The following PPM1A variants were observed in gnomAD, a reference collection of about 807,000 sequenced individuals.
The protein encoded by PPM1A is protein phosphatase 1A.
In PPM1A, 7 loss-of-function variants were observed where a neutral mutation model predicts 35.0. That is an observed-to-expected ratio of 0.20 (90% CI 0.11 to 0.38). The LOEUF is 0.38. Among genes scored for constraint, PPM1A ranks in the 10% least tolerant of loss-of-function variants. PPM1A has a pLI of 1.00. For missense variants in PPM1A, 239 were observed against 467.8 expected (o/e 0.51, Z 4.51); for synonymous variants, 153 against 167.3 (o/e 0.91, Z 0.66).
intron 3 of PPM1A, chr14:60,288,341 T>C: frequency 1.0e-6 from 1 of 971,448 alleles, no homozygotes; most frequent in Non-Finnish European, 1.2e-6. Context: ...TCATCAGTGT[T>C]TATTTCTATT....
chr14:60,287,831 A>T, intron 3 of PPM1A: 1 of 984,112 alleles, frequency 1.0e-6, no homozygotes, highest in Non-Finnish European at 1.2e-6. Context: ...ATATTTTCAA[A>T]ATCTTTGCTA....
upstream of PPM1A, chr14:60,249,178 G>A (rs1456189750): frequency 2.1e-6 from 2 of 956,766 alleles, no homozygotes; most frequent in Non-Finnish European, 2.5e-6. This position sits in a 1 kb window ranked among gnomAD's most constrained non-coding sequence, Gnocchi z 4.5. Context: ...AGGGGTGGGG[G>A]AGGGGCGACG....
chr14:60,251,718 T>A (rs1047431359), intron 1 of PPM1A, among the ~76,000 whole-genome samples: 1 of 152,234 alleles, frequency 6.6e-6, no homozygotes, highest in South Asian at 2.1e-4. Context: ...GCTGGATTTC[T>A]TTCTCGGTTC....
In PPM1A at chr14:60,289,846, C is replaced by T; in HGVS notation, c.993C>T (p.Val331=). Residue 331 remains valine (V), a synonymous_variant, in exon 4 of 6, where the codon GTC becomes GTT. Transcript: ENST00000395076. The surrounding 1 kb of genome is among the most constrained non-coding windows in gnomAD (Gnocchi z 4.1). ...AGGGGGAAGGCGTCCCCGACTTAGT[C>T]CATGTGATGCGCACATTAGCGAGTG... ...KKQGEGVPDL[V]HVMRTLASEN... is the part of the protein sequence containing the mutation. 1.9e-6 allele frequency: 3 copies of T among 1,603,326 alleles called. No homozygotes were observed. The South Asian group carries it at 3.4e-5, about 18-fold the overall frequency.
intron 1 of PPM1A, among the ~76,000 whole-genome samples, chr14:60,254,530 A>G (rs1882822547): frequency 6.6e-6 from 1 of 152,240 alleles, no homozygotes; most frequent in African/African-American, 2.4e-5. Context: ...GCTACAGGAA[A>G]GGATGCAAAA....
Position 60,295,514 on chromosome 14 carries a change from T to C in PPM1A, c.*3032T>C, listed in dbSNP as rs1214151464. 6.6e-6 allele frequency: 1 copy of C among 151,774 alleles called. No individual in the cohort carries two copies. The highest frequency in any genetic ancestry group is 1.5e-5 in the Non-Finnish European group (1 of 67,738). The allele number at this position is 151,774 out of a possible 1,614,324, so 9.4% of individuals were successfully genotyped here. A position where few individuals can be genotyped will look rare whatever the true frequency, so the allele number is the denominator to read the frequency against. Reference sequence around the variant, plus strand: ...AAGAAATTTGGATTAAGTAATAAATTAGTTATGTAATTCAAGTAATCTGAA... The same window carrying C: ...AAGAAATTTGGATTAAGTAATAAATCAGTTATGTAATTCAAGTAATCTGAA... On this transcript the variant is annotated 3_prime_UTR_variant, in exon 6 of 6. Coordinates refer to ENST00000395076, the MANE Select transcript of PPM1A (RefSeq NM_021003.5).
chr14:60,275,840 T>G (rs1222927816), intron 1 of PPM1A, among the ~76,000 whole-genome samples: 1 of 136,944 alleles, frequency 7.3e-6, no homozygotes, highest in Non-Finnish European at 1.5e-5. Flanking sequence ...TTCCAAAGAT[T>G]AGCCTTTTTT....
chr14:60,263,723 A>C (rs922064738), intron 1 of PPM1A, among the ~76,000 whole-genome samples: 2 of 151,970 alleles, frequency 1.3e-5, no homozygotes, highest in Non-Finnish European at 2.9e-5. Flanking sequence ...CTGCCTGATA[A>C]TTTTTTTATA....
At chr14:60,272,370 A>G (rs1328611149) in intron 1 of PPM1A, among the ~76,000 whole-genome samples, 1 of 148,606 alleles carries the variant, frequency 6.7e-6, no homozygotes, top group Admixed American at 6.7e-5. Flanking sequence ...GAATGTGTGT[A>G]CACTAGGGGG....
In PPM1A at chr14:60,283,799, A is replaced by G. The variant is rs538491456; in HGVS notation, c.834+262A>G. 1.3e-4 allele frequency among the ~76,000 whole-genome samples: 20 copies of G among 152,340 alleles called. No homozygotes were observed. The highest frequency in any genetic ancestry group is 7.7e-4 in the East Asian group (4 of 5,188). ...TAATGTGGAAGATTATCAAAGGTAA[A>G]AAGATTTTATCAGAGTGCATGTTTT... On this transcript the variant is annotated intron_variant, in intron 2 of 5. Transcript: ENST00000395076. This position sits in a 1 kb window ranked among gnomAD's most constrained non-coding sequence, Gnocchi z 6.3.
intron 1 of PPM1A, chr14:60,268,421 A>C (rs1446759506): frequency 1.0e-6 from 1 of 965,694 alleles, no homozygotes; most frequent in Admixed American, 6.2e-5. Flanking sequence ...ACAACAATAA[A>C]ATTCTATTTG....
At position 60,293,020 on chromosome 14, in the gene PPM1A, A is replaced by G. The variant is rs1201248664; in HGVS notation, c.*538A>G. 6.6e-6 allele frequency: 1 copy of G among 152,230 alleles called. No homozygotes were observed. The highest frequency in any genetic ancestry group is 2.4e-5 in the African/African-American group (1 of 41,428). 9.4% of individuals were successfully genotyped at this position (152,230 alleles called of 1,614,324 possible). A position where few individuals can be genotyped will look rare whatever the true frequency, so the allele number is the denominator to read the frequency against. On this transcript the variant is annotated 3_prime_UTR_variant, in exon 6 of 6. Coordinates refer to ENST00000395076, the MANE Select transcript of PPM1A (RefSeq NM_021003.5). The surrounding 1 kb of genome is among the most constrained non-coding windows in gnomAD (Gnocchi z 4.0). ...AACATCCAAGGAGTTATTGAAAACT[A>G]TCTTAAATGTTCTTGGTAGGGGAGT...
rs1452120335 is a variant in PPM1A, at chr14:60,282,140, G to C, written c.-20-544G>C. Among the ~76,000 whole-genome samples, 2 of 152,180 alleles carry C rather than the reference G, an allele frequency of 1.3e-5. No individual in the cohort carries two copies. Among genetic ancestry groups the C allele is most frequent in the African/African-American group, 4.8e-5 (2 of 41,434 alleles). On this transcript the variant is annotated intron_variant, in intron 1 of 5. Coordinates refer to ENST00000395076, the MANE Select transcript of PPM1A (RefSeq NM_021003.5). This position sits in a 1 kb window ranked among gnomAD's most constrained non-coding sequence, Gnocchi z 5.1. ...TTTCCAGTTAAGGAAACTGACATGAGCAAAGGCTTGAAGGAGCATGCAAAT... is the reference window on the plus strand; with the variant it reads ...TTTCCAGTTAAGGAAACTGACATGACCAAAGGCTTGAAGGAGCATGCAAAT...
chr14:60,268,515 T>C (rs1884662128), intron 1 of PPM1A: 1 of 500,024 alleles, frequency 2.0e-6, no homozygotes, highest in Admixed American at 6.4e-5. Context: ...TTTTATTTTT[T>C]TCACATATAA....
chr14:60,275,334 T>G (rs1367364013), intron 1 of PPM1A, among the ~76,000 whole-genome samples: 1 of 152,074 alleles, frequency 6.6e-6, no homozygotes, highest in African/African-American at 2.4e-5. Context: ...GCCTTACTGA[T>G]GAACCAGCTT....
rs534684590 is a variant in PPM1A, at chr14:60,267,986, A to G, written c.-20-14698A>G. On this transcript the variant is annotated intron_variant, in intron 1 of 5. Coordinates refer to ENST00000395076, the MANE Select transcript of PPM1A (RefSeq NM_021003.5). The stretch of plus-strand genomic sequence containing the variant: ...AACAAGGACTATCACTTTCTCTTAC[A>G]TAACCATAGTTCAATTATCAAATTT... Among the ~76,000 whole-genome samples, 174 of 152,290 alleles carry G rather than the reference A, an allele frequency of 1.1e-3. 1 individual carries two copies. The highest frequency in any genetic ancestry group is 3.4e-3 in the Middle Eastern group (1 of 294).
intron 1 of PPM1A, among the ~76,000 whole-genome samples, chr14:60,263,481 T>C (rs922181285): frequency 6.6e-6 from 1 of 152,222 alleles, no homozygotes; most frequent in African/African-American, 2.4e-5. Flanking sequence ...GTATCTAATC[T>C]ATTTAACTCA....
chr14:60,275,864 T>A (rs940365013), intron 1 of PPM1A, among the ~76,000 whole-genome samples: 7 of 137,312 alleles, frequency 5.1e-5, no homozygotes, highest in African/African-American at 1.1e-4. Flanking sequence ...TTTTTTTTTT[T>A]ACAGATTTGC....
intron 1 of PPM1A, among the ~76,000 whole-genome samples, chr14:60,281,668 C>G (rs560901518): frequency 1.3e-5 from 2 of 152,268 alleles, no homozygotes; most frequent in South Asian, 4.1e-4. Context: ...CATTTCTAAG[C>G]TATTGTTCAA....
Sources: gnomAD v4.1 joint callset for allele counts (sites outside exome capture counted in the v4.1 genomes callset) on GRCh38, gnomAD v4.1.1 for gene constraint, Gnocchi (gnomAD v3.1) non-coding constraint, MANE v1.5 for transcripts, NCBI Gene and HGNC (gene_info 2026-07-23, HGNC 2026-07-21) for gene names.